The following SYTL3 variants were observed in gnomAD, a reference collection of about 807,000 sequenced individuals.
SYTL3 encodes synaptotagmin-like protein 3.
SYTL3 carries 88 observed loss-of-function variants against 82.1 expected under a neutral mutation model. The observed-to-expected ratio is 1.07, with a 90% CI of 0.90 to 1.28. The LOEUF is 1.28. Ranked by LOEUF, SYTL3 falls within the 50% of genes most tolerant of loss-of-function variation. SYTL3 has a pLI of 0.00. For missense variants in SYTL3, 831 were observed against 757.6 expected, an observed-to-expected ratio of 1.10 and a Z score of -1.14; for synonymous variants, 311 against 289.4, an observed-to-expected ratio of 1.07 and a Z score of -0.76.
chr6:158,683,290 G>A (rs1583221517), intron 6 of SYTL3, among the ~76,000 whole-genome samples: 1 of 144,918 alleles, frequency 6.9e-6, no homozygotes, highest in Admixed American at 7.2e-5. Context: ...GCACAATCTC[G>A]GCTCACTGCA....
intron 13 of SYTL3, 99 bp downstream of exon 13, chr6:158,752,129 A>G (rs548630308): frequency 1.7e-5 from 12 of 695,306 alleles, no homozygotes; most frequent in Non-Finnish European, 2.5e-5. Context: ...CTCTTGACTC[A>G]GTTAGATATA....
At chr6:158,714,354 A>G (rs1299579451) in intron 9 of SYTL3, among the ~76,000 whole-genome samples, 1 of 152,092 alleles carries the variant, frequency 6.6e-6, no homozygotes, top group East Asian at 1.9e-4. Flanking sequence ...TCCGTCTCAA[A>G]AAAGAAAAAG....
At chr6:158,756,717 AAATTTTTT>A (rs1186094385) in intron 13 of SYTL3, among the ~76,000 whole-genome samples, 8 of 53,290 alleles carry the variant, frequency 1.5e-4, no homozygotes, top group East Asian at 4.4e-3. Context: ...TCTCAAAAAA[AAATTTTTT>A]TTTTTTTTTT....
At chr6:158,651,586 CAAATAAAT>C (rs886903922) in intron 1 of SYTL3, among the ~76,000 whole-genome samples, 159 bp from the exon 2 acceptor site, 88 of 151,874 alleles carry the variant, frequency 5.8e-4, no homozygotes, top group Non-Finnish European at 1.0e-3. Context: ...GACTCCATCT[CAAATAAAT>C]AAATAAATAA....
intron 11 of SYTL3, among the ~76,000 whole-genome samples, chr6:158,734,916 A>G (rs1334897279): frequency 6.6e-6 from 1 of 152,162 alleles, no homozygotes; most frequent in Non-Finnish European, 1.5e-5. Context: ...CTGTTATCCC[A>G]TTTCACAAAT....
At chr6:158,700,789 T>C (rs1192180953) in intron 6 of SYTL3, among the ~76,000 whole-genome samples, 1 of 152,156 alleles carries the variant, frequency 6.6e-6, no homozygotes, top group South Asian at 2.1e-4. Context: ...GCTAATTTTT[T>C]GTACTTTTAG....
At chr6:158,647,595 G>A (rs1409017360), upstream of SYTL3, among the ~76,000 whole-genome samples, 1 of 152,238 alleles carries the variant, frequency 6.6e-6, no homozygotes, top group Non-Finnish European at 1.5e-5. Flanking sequence ...CTGCCCAACT[G>A]ATGTAGTCTG....
intron 3 of SYTL3, among the ~76,000 whole-genome samples, chr6:158,662,471 T>C (rs182839106): frequency 6.9e-4 from 105 of 152,324 alleles, no homozygotes; most frequent in Admixed American, 8.5e-4. Flanking sequence ...ATGTCATTTT[T>C]CCAGTATTTC....
chr6:158,707,380 C>T, intron 7 of SYTL3, 99 bp downstream of exon 7: 2 of 945,564 alleles, frequency 2.1e-6, no homozygotes, highest in South Asian at 1.6e-5. Context: ...TCACATGTCA[C>T]TGCTTTGGAA....
chr6:158,742,195 G>A (rs1324214318), intron 11 of SYTL3, among the ~76,000 whole-genome samples: 6 of 152,260 alleles, frequency 3.9e-5, no homozygotes, highest in Middle Eastern at 3.4e-3. Flanking sequence ...TAAATAAAGC[G>A]AGAAATGCCC....
chr6:158,669,666 C>T (rs527365963), intron 5 of SYTL3, among the ~76,000 whole-genome samples: 39 of 152,298 alleles, frequency 2.6e-4, no homozygotes, highest in African/African-American at 7.9e-4. Context: ...TAAGTGTGTT[C>T]GGTTGAAAAA....
chr6:158,737,291 C>T (rs913870581), intron 11 of SYTL3, among the ~76,000 whole-genome samples: 1 of 152,228 alleles, frequency 6.6e-6, no homozygotes, highest in Non-Finnish European at 1.5e-5. Flanking sequence ...CACTAAGTGT[C>T]AGGGCCAGGC....
intron 11 of SYTL3, among the ~76,000 whole-genome samples, chr6:158,728,409 T>A (rs1294154577): frequency 2.6e-5 from 4 of 152,168 alleles, no homozygotes; most frequent in African/African-American, 9.7e-5. Context: ...AAATCAAATG[T>A]CCACATAAGT....
At chr6:158,660,126 G>A (rs544124805) in intron 2 of SYTL3, among the ~76,000 whole-genome samples, 6 of 152,092 alleles carry the variant, frequency 3.9e-5, no homozygotes, top group African/African-American at 1.2e-4. Flanking sequence ...TTAGCCGGGC[G>A]TGGTGGCGGG....
At chr6:158,722,746 ATTTTCTCTC>A (rs1784251142) in intron 10 of SYTL3, among the ~76,000 whole-genome samples, 1 of 130,424 alleles carries the variant, frequency 7.7e-6, no homozygotes, top group South Asian at 2.5e-4. Flanking sequence ...GAGGAAAAAG[ATTTTCTCTC>A]TTTTCTGTTT....
At chr6:158,738,000 A>G (rs987492277) in intron 11 of SYTL3, among the ~76,000 whole-genome samples, 1 of 152,226 alleles carries the variant, frequency 6.6e-6, no homozygotes, top group Admixed American at 6.5e-5. Context: ...TAAAATGATG[A>G]GTAATGACAA....
chr6:158,717,526 A>G (rs576308166), intron 9 of SYTL3, among the ~76,000 whole-genome samples: 5 of 152,204 alleles, frequency 3.3e-5, no homozygotes, highest in African/African-American at 9.6e-5. Flanking sequence ...CCTTCCTTCA[A>G]ACTTTCTTCA....
intron 2 of SYTL3, among the ~76,000 whole-genome samples, chr6:158,660,750 C>T (rs1226226656): frequency 6.6e-6 from 1 of 152,114 alleles, no homozygotes; most frequent in African/African-American, 2.4e-5. Flanking sequence ...GTGTTTGCAG[C>T]CAGGTGCAAA....
chr6:158,702,326 C>CAAAA (rs1193990568), intron 6 of SYTL3, among the ~76,000 whole-genome samples: 11 of 70,674 alleles, frequency 1.6e-4, no homozygotes, highest in African/African-American at 5.2e-4. Context: ...GACTCTGTCT[C>CAAAA]AAAAAAAAAA....
Sources: allele counts gnomAD v4.1 joint callset (sites outside exome capture counted in the v4.1 genomes callset), GRCh38; gene constraint gnomAD v4.1.1; transcripts MANE v1.5; gene names NCBI Gene and HGNC (gene_info 2026-07-23, HGNC 2026-07-21).